Variants in FILIP1L observed in about 807,000 individuals in gnomAD.
FILIP1L encodes the protein filamin A interacting protein 1 like.
Under a neutral mutation model 96.6 loss-of-function variants are expected in FILIP1L, and 55 were observed. The observed-to-expected ratio is 0.57, with a 90% confidence interval of 0.46 to 0.71. The LOEUF is 0.71. Among genes scored for constraint, FILIP1L ranks in the 30% least tolerant of loss-of-function variants. The pLI is 0.00. For missense variants in FILIP1L, 1,304 were observed against 1,321.2 expected (o/e 0.99, Z 0.20); for synonymous variants, 467 against 473.9 (o/e 0.99, Z 0.19).
chr3:99,882,234 C>T (rs890182535), intron 4 of FILIP1L, among the ~76,000 whole-genome samples: 2 of 152,118 alleles, frequency 1.3e-5, no homozygotes, highest in Non-Finnish European at 2.9e-5. Context: ...CATTTTAAAA[C>T]GTCCCTTTCG....
At chr3:100,004,839 G>C (rs1709943543) in intron 1 of FILIP1L, among the ~76,000 whole-genome samples, 1 of 152,232 alleles carries the variant, frequency 6.6e-6, no homozygotes, top group Admixed American at 6.5e-5. Context: ...CTATGGGGCA[G>C]GTGGGGAAAA....
intron 1 of FILIP1L, among the ~76,000 whole-genome samples, chr3:100,043,936 A>T (rs553117365): frequency 6.6e-6 from 1 of 152,218 alleles, no homozygotes; most frequent in Non-Finnish European, 1.5e-5. Context: ...GAGATCATAC[A>T]TACTTGTCTT....
chr3:99,997,124 A>G (rs1264150598), intron 1 of FILIP1L, among the ~76,000 whole-genome samples: 1 of 152,220 alleles, frequency 6.6e-6, no homozygotes, highest in African/African-American at 2.4e-5. Flanking sequence ...ATCAGAGCAG[A>G]ACTAAATGGA....
chr3:100,111,417 TTTATC>T (rs2107477713), intron 1 of FILIP1L, among the ~76,000 whole-genome samples: 1 of 152,306 alleles, frequency 6.6e-6, no homozygotes, highest in South Asian at 2.1e-4. Flanking sequence ...TAAAACTTAG[TTTATC>T]TATCTGCTGA....
At chr3:99,851,320 C>A (rs1386761488) in intron 4 of FILIP1L, among the ~76,000 whole-genome samples, 1 of 152,044 alleles carries the variant, frequency 6.6e-6, no homozygotes, top group Non-Finnish European at 1.5e-5. Flanking sequence ...AGAGTAAGGG[C>A]AAGAATATTT....
rs546487554 is a variant in FILIP1L, at chr3:100,037,167, T to C, written c.-11+76886A>G. The stretch of plus-strand genomic sequence containing the variant: ...GATGAAACATAATGTTGTGCTTATA[T>C]ACATTTCCTGATTTTGATCATTGTG... On this transcript the variant is annotated intron_variant, in intron 1 of 5. Coordinates refer to ENST00000477258, the MANE Select transcript of FILIP1L (RefSeq NM_001387850.1). 2.4e-3 allele frequency among the ~76,000 whole-genome samples: 365 copies of C among 151,208 alleles called. 1 individual carries two copies. The highest frequency in any genetic ancestry group is 8.5e-3 in the African/African-American group (344 of 40,512).
chr3:100,066,776 C>G (rs2065672670), intron 1 of FILIP1L, among the ~76,000 whole-genome samples: 1 of 150,826 alleles, frequency 6.6e-6, no homozygotes, highest in Admixed American at 6.6e-5. Flanking sequence ...CGTGATCCGC[C>G]CGCCTCGGCC....
chr3:99,909,629 A>G (rs1256024080), intron 4 of FILIP1L, among the ~76,000 whole-genome samples: 1 of 152,208 alleles, frequency 6.6e-6, no homozygotes, highest in Non-Finnish European at 1.5e-5. Context: ...AAGAAATAAT[A>G]ATACTGCTAA....
chr3:99,935,804 C>A (rs1020008580), intron 1 of FILIP1L, among the ~76,000 whole-genome samples: 3 of 152,150 alleles, frequency 2.0e-5, no homozygotes, highest in Non-Finnish European at 4.4e-5. Flanking sequence ...TTCCTTTAGT[C>A]AGTTTTACTT....
chr3:99,920,650 C>T (rs904868036), intron 4 of FILIP1L, among the ~76,000 whole-genome samples: 9 of 152,336 alleles, frequency 5.9e-5, no homozygotes, highest in African/African-American at 2.2e-4. Context: ...CTTTCCTGAG[C>T]TGATCCCTGC....
intron 4 of FILIP1L, among the ~76,000 whole-genome samples, chr3:99,907,038 A>T (rs1706640156): frequency 6.6e-6 from 1 of 152,228 alleles, no homozygotes; most frequent in South Asian, 2.1e-4. Context: ...TTGAATAATT[A>T]GAGTATATTT....
At chr3:99,880,148 G>T (rs1705674199) in intron 4 of FILIP1L, among the ~76,000 whole-genome samples, 1 of 152,162 alleles carries the variant, frequency 6.6e-6, no homozygotes, top group African/African-American at 2.4e-5. Context: ...TGAATGTGGA[G>T]CCAAAGGGGA....
At chr3:99,998,386 A>C (rs1358429036) in intron 1 of FILIP1L, among the ~76,000 whole-genome samples, 1 of 152,210 alleles carries the variant, frequency 6.6e-6, no homozygotes, top group Non-Finnish European at 1.5e-5. Flanking sequence ...GCATGTGTTT[A>C]AATGTTTGTA....
chr3:99,946,489 A>T (rs1291409855), intron 1 of FILIP1L, among the ~76,000 whole-genome samples: 1 of 152,240 alleles, frequency 6.6e-6, no homozygotes, highest in Non-Finnish European at 1.5e-5. Context: ...TCTGACACAA[A>T]TGATTTCATG....
chr3:99,843,202 T>C lies in FILIP1L; in HGVS notation c.3381+5093A>G, dbSNP rs901522054. Among the ~76,000 whole-genome samples the C allele has an allele frequency of 2.6e-5, 4 of 152,162 alleles. 1 individual carries two copies. Among genetic ancestry groups the C allele is most frequent in the Non-Finnish European group, 5.9e-5 (4 of 68,026 alleles). On this transcript the variant is annotated intron_variant, in intron 5 of 5. Transcript: ENST00000477258. The stretch of plus-strand genomic sequence containing the variant: ...TTATTTAATGTGTGTTCTGGACCCT[T>C]CCCAAGAAATGCTACAGATTTAAGT...
intron 4 of FILIP1L, among the ~76,000 whole-genome samples, chr3:99,879,445 A>T (rs1399676252): frequency 6.6e-6 from 1 of 152,252 alleles, no homozygotes; most frequent in African/African-American, 2.4e-5. Flanking sequence ...CTTTTAAAAA[A>T]TACCATTAAT....
intron 4 of FILIP1L, among the ~76,000 whole-genome samples, chr3:99,870,285 T>C (rs1944724954): frequency 6.6e-6 from 1 of 152,320 alleles, no homozygotes; most frequent in African/African-American, 2.4e-5. Context: ...ATTCTTACTC[T>C]TTTAGTCTCA....
At chr3:100,023,471 C>T (rs1053716064) in intron 1 of FILIP1L, 1 of 152,438 alleles carries the variant, frequency 6.6e-6, no homozygotes, top group African/African-American at 2.4e-5. Context: ...AAAGTGAAGT[C>T]AGACTAAAAA....
At chr3:100,077,670 C>G (rs2065870774) in intron 1 of FILIP1L, among the ~76,000 whole-genome samples, 2 of 152,128 alleles carry the variant, frequency 1.3e-5, no homozygotes, top group African/African-American at 4.8e-5. Flanking sequence ...CACCTATAAT[C>G]ACAGTGAGGT....
Sources: gnomAD v4.1 joint callset for allele counts (sites outside exome capture counted in the v4.1 genomes callset) on GRCh38, gnomAD v4.1.1 for gene constraint, MANE v1.5 for transcripts, NCBI Gene and HGNC (gene_info 2026-07-23, HGNC 2026-07-21) for gene names.